The following ZNF407 variants were observed in gnomAD, a reference collection of about 807,000 sequenced individuals.
The protein encoded by ZNF407 is zinc finger protein 407.
ZNF407 carries 17 observed loss-of-function variants against 131.2 expected under a neutral mutation model. That is an observed-to-expected ratio of 0.13 (90% confidence interval 0.09 to 0.19). The LOEUF is 0.19. Among genes scored for constraint, ZNF407 ranks in the 10% least tolerant of loss-of-function variants. The probability of loss-of-function intolerance (pLI) is 1.00; values close to 1 mark genes in which losing one functional copy is unlikely to be tolerated. For synonymous variants in ZNF407, 1,156 were observed against 1,062.0 expected, an observed-to-expected ratio of 1.09 and a Z score of -1.72; for missense variants, 2,681 against 2,830.6, an observed-to-expected ratio of 0.95 and a Z score of 1.20.
chr18:74,794,237 C>T (rs937389393), intron 4 of ZNF407, among the ~76,000 whole-genome samples: 4 of 152,118 alleles, frequency 2.6e-5, no homozygotes, highest in Non-Finnish European at 4.4e-5. Flanking sequence ...TGTATTTTTC[C>T]GGCCAACTCC....
intron 1 of ZNF407, among the ~76,000 whole-genome samples, chr18:74,628,659 C>T (rs962125251): frequency 6.6e-6 from 1 of 152,114 alleles, no homozygotes; most frequent in African/African-American, 2.4e-5. Flanking sequence ...GATCGTAGCT[C>T]AGTGCAGCCT....
rs140080635 is a variant in ZNF407 at position 74,946,450 on chromosome 18, C to G, written c.5428+25758C>G. ...ATGTTTGATTTTGATTTTTAGTAAT[C>G]AAATTAACCCTTTTAAAATGTACTT... On this transcript the variant is annotated intron_variant, in intron 8 of 8. Coordinates refer to ENST00000299687, the MANE Select transcript of ZNF407 (RefSeq NM_017757.3). Among the ~76,000 whole-genome samples, 16 of 152,214 alleles carry G rather than the reference C, an allele frequency of 1.1e-4. No individual in the cohort carries two copies. The East Asian group carries it at 2.3e-3, about 22-fold the overall frequency.
intron 8 of ZNF407, among the ~76,000 whole-genome samples, chr18:74,961,205 T>A (rs1972340339): frequency 6.6e-6 from 1 of 152,192 alleles, no homozygotes; most frequent in South Asian, 2.1e-4. Context: ...ACTTTTTAAC[T>A]TTACATTTGT....
chr18:74,780,025 T>TG (rs942511910), intron 3 of ZNF407, among the ~76,000 whole-genome samples: 5 of 828 alleles, frequency 6.0e-3, no homozygotes, highest in African/African-American at 6.5e-3. Context: ...ATTTTTGTAC[T>TG]TTTTTTTGCT....
intron 3 of ZNF407, among the ~76,000 whole-genome samples, chr18:74,696,783 C>G (rs1050615219): frequency 6.6e-6 from 1 of 152,150 alleles, no homozygotes; most frequent in Non-Finnish European, 1.5e-5. Context: ...CATGGATGCT[C>G]TTGCTTCCTG....
chr18:74,738,916 C>A (rs1384713092), intron 3 of ZNF407, among the ~76,000 whole-genome samples: 1 of 151,942 alleles, frequency 6.6e-6, no homozygotes, highest in Non-Finnish European at 1.5e-5. Flanking sequence ...ATAAACTTTT[C>A]TGAAGTAAAG....
intron 8 of ZNF407, among the ~76,000 whole-genome samples, chr18:74,973,179 T>C (rs1049374831): frequency 1.3e-5 from 2 of 152,168 alleles, no homozygotes; most frequent in Non-Finnish European, 2.9e-5. Context: ...ACATAACTTA[T>C]CACAGTCTGT....
intron 3 of ZNF407, among the ~76,000 whole-genome samples, chr18:74,770,491 G>GA (rs996546596): frequency 8.0e-5 from 12 of 150,918 alleles, no homozygotes; most frequent in African/African-American, 1.5e-4. Context: ...CTTTTCCAAC[G>GA]AAAAAAAACA....
chr18:74,923,581 G>A (rs1435501124), intron 8 of ZNF407, among the ~76,000 whole-genome samples: 6 of 152,046 alleles, frequency 3.9e-5, no homozygotes, highest in Middle Eastern at 3.4e-3. Context: ...TTAAAATGCC[G>A]GTTCTGTCAG....
intron 8 of ZNF407, among the ~76,000 whole-genome samples, chr18:75,039,569 A>G (rs1973348234): frequency 6.6e-6 from 1 of 152,134 alleles, no homozygotes; most frequent in African/African-American, 2.4e-5. Flanking sequence ...AATTATCCAC[A>G]CTGTTTCCAT....
intron 8 of ZNF407, among the ~76,000 whole-genome samples, chr18:75,021,055 C>T (rs1462224555): frequency 1.3e-5 from 2 of 152,012 alleles, no homozygotes; most frequent in Non-Finnish European, 2.9e-5. Context: ...TACCATCCTC[C>T]CCTTTTAAGA....
chr18:74,742,150 A>G (rs1057087978), intron 3 of ZNF407, among the ~76,000 whole-genome samples: 1 of 152,194 alleles, frequency 6.6e-6, no homozygotes, highest in Non-Finnish European at 1.5e-5. Context: ...TAGTTTTGGC[A>G]GAGAAGGAAG....
chr18:74,771,382 T>A (rs1239820170), intron 3 of ZNF407, among the ~76,000 whole-genome samples: 1 of 152,130 alleles, frequency 6.6e-6, no homozygotes, highest in Non-Finnish European at 1.5e-5. Flanking sequence ...GGTTTTTCCG[T>A]ATTGTTTATT....
intron 8 of ZNF407, among the ~76,000 whole-genome samples, chr18:75,034,581 C>T (rs1333143306): frequency 6.6e-6 from 1 of 150,806 alleles, no homozygotes; most frequent in Non-Finnish European, 1.5e-5. Flanking sequence ...GGATTACAGG[C>T]GTGAGCCACT....
chr18:74,974,626 A>G (rs1164226015), intron 8 of ZNF407, among the ~76,000 whole-genome samples: 18 of 152,230 alleles, frequency 1.2e-4, no homozygotes, highest in Admixed American at 1.2e-3. Context: ...AAAACTACCA[A>G]TGATGAAGTA....
intron 7 of ZNF407, chr18:74,898,351 A>G (rs1219500343): frequency 6.6e-6 from 1 of 151,992 alleles, no homozygotes; most frequent in African/African-American, 2.4e-5. Context: ...TTTTTTTCCT[A>G]TTCATATTAT....
intron 4 of ZNF407, among the ~76,000 whole-genome samples, chr18:74,854,129 C>T (rs1011808080): frequency 6.6e-6 from 1 of 152,180 alleles, no homozygotes; most frequent in Non-Finnish European, 1.5e-5. Flanking sequence ...TCTTGCACCA[C>T]AGTATCCACC....
At chr18:75,039,718 C>CTTTTTTT (rs36086764) in intron 8 of ZNF407, among the ~76,000 whole-genome samples, 1 of 111,934 alleles carries the variant, frequency 8.9e-6, no homozygotes, top group African/African-American at 3.4e-5. Context: ...AGGGGCCAAG[C>CTTTTTTT]TTTTTTTTTT....
chr18:74,767,848 A>G (rs1314449308), intron 3 of ZNF407, among the ~76,000 whole-genome samples: 1 of 54,248 alleles, frequency 1.8e-5, no homozygotes, highest in African/African-American at 6.1e-5. Context: ...TTGTATTTTT[A>G]GTAGAGACGG....
Sources: gnomAD v4.1 joint callset for allele counts (sites outside exome capture counted in the v4.1 genomes callset) on GRCh38, gnomAD v4.1.1 for gene constraint, MANE v1.5 for transcripts, NCBI Gene and HGNC (gene_info 2026-07-23, HGNC 2026-07-21) for gene names.